Variants in PABPC4L observed in about 807,000 individuals in gnomAD.
The protein encoded by PABPC4L is poly(A) binding protein cytoplasmic 4 like.
For synonymous variants in PABPC4L, 169 were observed against 164.1 expected, an observed-to-expected ratio of 1.03 and a Z score of -0.23; for missense variants, 452 against 451.4, an observed-to-expected ratio of 1.00 and a Z score of -0.01.
At chr4:134,192,968 G>T (rs1423889414), downstream of PABPC4L, among the ~76,000 whole-genome samples, 1 of 152,002 alleles carries the variant, frequency 6.6e-6, no homozygotes, top group Non-Finnish European at 1.5e-5. Flanking sequence ...CATTCATTAA[G>T]TTATATGCTT....
chr4:133,963,266 A>G, the PABPC4L span, among the ~76,000 whole-genome samples: 2 of 152,208 alleles, frequency 1.3e-5, no homozygotes, highest in Admixed American at 1.3e-4. Flanking sequence ...ATAATGGTAA[A>G]AGGTCTTGTC....
At chr4:134,129,001 C>G in the PABPC4L span, among the ~76,000 whole-genome samples, 1 of 152,026 alleles carries the variant, frequency 6.6e-6, no homozygotes, top group African/African-American at 2.4e-5. Flanking sequence ...CGCAAAGGGG[C>G]ACCTAAACAG....
the PABPC4L span, among the ~76,000 whole-genome samples, chr4:134,164,262 C>CAA: frequency 9.0e-3 from 307 of 34,184 alleles, 52 homozygotes; most frequent in Non-Finnish European, 0.013. Flanking sequence ...GACTCCGTCT[C>CAA]AAAAAAAAAA....
chr4:134,033,309 G>T, the PABPC4L span, among the ~76,000 whole-genome samples: 1 of 151,662 alleles, frequency 6.6e-6, no homozygotes. Flanking sequence ...TCATTCTGTT[G>T]TCTCTTTCCC....
chr4:134,025,847 A>G, the PABPC4L span, among the ~76,000 whole-genome samples: 3 of 152,122 alleles, frequency 2.0e-5, no homozygotes, highest in Admixed American at 6.6e-5. Flanking sequence ...TATTTTTAGT[A>G]ATTTATTTTT....
chr4:134,002,017 G>A, the PABPC4L span, among the ~76,000 whole-genome samples: 1 of 151,968 alleles, frequency 6.6e-6, no homozygotes, highest in South Asian at 2.1e-4. Context: ...ATATGAATCT[G>A]CCTGAAAACT....
At chr4:134,006,112 G>A in the PABPC4L span, among the ~76,000 whole-genome samples, 198 of 151,844 alleles carry the variant, frequency 1.3e-3, 3 homozygotes, top group Middle Eastern at 3.4e-3. Flanking sequence ...TTCTTTTTAG[G>A]TCATGGGGAT....
At chr4:134,054,246 GTA>G in the PABPC4L span, among the ~76,000 whole-genome samples, 2 of 74,064 alleles carry the variant, frequency 2.7e-5, no homozygotes. Flanking sequence ...TACTTTAGTT[GTA>G]TATGTATATA....
At chr4:134,155,981 A>C in the PABPC4L span, among the ~76,000 whole-genome samples, 1 of 151,998 alleles carries the variant, frequency 6.6e-6, no homozygotes, top group Non-Finnish European at 1.5e-5. Flanking sequence ...GAATGCTAGT[A>C]TTGCTCACGT....
the PABPC4L span, among the ~76,000 whole-genome samples, chr4:134,013,484 A>G: frequency 4.6e-5 from 7 of 151,162 alleles, no homozygotes; most frequent in South Asian, 1.5e-3. Context: ...AACCTCTTCA[A>G]CTCTCACCTG....
chr4:133,953,641 A>G, the PABPC4L span, among the ~76,000 whole-genome samples: 1 of 152,088 alleles, frequency 6.6e-6, no homozygotes, highest in East Asian at 1.9e-4. Context: ...GGACTCTTGA[A>G]TCCTCCTAAT....
At chr4:134,072,358 C>T in the PABPC4L span, among the ~76,000 whole-genome samples, 1 of 152,134 alleles carries the variant, frequency 6.6e-6, no homozygotes, top group Admixed American at 6.5e-5. Flanking sequence ...TTCAGTTAGT[C>T]CTGTGCAAGC....
chr4:134,044,246 A>G, the PABPC4L span, among the ~76,000 whole-genome samples: 1 of 151,464 alleles, frequency 6.6e-6, no homozygotes, highest in African/African-American at 2.4e-5. Flanking sequence ...ATGAGAATTT[A>G]ATATATTTTA....
the PABPC4L span, among the ~76,000 whole-genome samples, chr4:134,043,635 T>C: frequency 6.6e-6 from 1 of 151,658 alleles, no homozygotes; most frequent in Non-Finnish European, 1.5e-5. Flanking sequence ...AGCCAGAAAA[T>C]ACTGGAGCTC....
At chr4:134,192,741 G>A (rs143049819), downstream of PABPC4L, among the ~76,000 whole-genome samples, 2,139 of 152,070 alleles carry the variant, frequency 0.014, 42 homozygotes, top group African/African-American at 0.048. Flanking sequence ...ACTAAAATAC[G>A]CTGAGTAAAA....
the PABPC4L span, among the ~76,000 whole-genome samples, chr4:133,989,846 A>G: frequency 6.6e-6 from 1 of 152,114 alleles, no homozygotes. Flanking sequence ...TTGACTCACA[A>G]TCCTGCAGGG....
At chr4:134,153,029 G>T in the PABPC4L span, among the ~76,000 whole-genome samples, 4 of 152,070 alleles carry the variant, frequency 2.6e-5, no homozygotes, top group African/African-American at 7.2e-5. Context: ...CACTAGAAAG[G>T]TTAATCTAGT....
the PABPC4L span, among the ~76,000 whole-genome samples, chr4:134,139,985 T>G: frequency 6.6e-6 from 1 of 151,892 alleles, no homozygotes; most frequent in Non-Finnish European, 1.5e-5. Flanking sequence ...ATTGTATTAA[T>G]TTTGTTATTT....
Sources: allele counts gnomAD v4.1 joint callset (sites outside exome capture counted in the v4.1 genomes callset), GRCh38; gene constraint gnomAD v4.1.1; transcripts MANE v1.5; gene names NCBI Gene and HGNC (gene_info 2026-07-23, HGNC 2026-07-21).